The following SETBP1 variants were observed in gnomAD, a reference collection of about 807,000 sequenced individuals.
SETBP1 encodes SET binding protein 1.
A neutral mutation model predicts 101.0 loss-of-function variants in SETBP1; 9 were observed. That is an observed-to-expected ratio of 0.09 (90% CI 0.05 to 0.16). The LOEUF (loss-of-function observed/expected upper bound fraction) is 0.16. Ranked by LOEUF, SETBP1 falls within the 10% of genes least tolerant of loss-of-function variation. The probability of loss-of-function intolerance (pLI) is 1.00; values close to 1 mark genes in which losing one functional copy is unlikely to be tolerated. For missense variants in SETBP1, 1,858 were observed against 2,033.8 expected, an observed-to-expected ratio of 0.91 and a Z score of 1.66; for synonymous variants, 818 against 788.5, an observed-to-expected ratio of 1.04 and a Z score of -0.63.
In SETBP1 at chr18:44,802,527, T is replaced by C. The variant is rs529320955; in HGVS notation, c.487-66703T>C. Among the ~76,000 whole-genome samples, 48 of 152,310 alleles carry C rather than the reference T, an allele frequency of 3.2e-4. No individual in the cohort carries two copies. In the South Asian group the frequency reaches 9.3e-3, roughly 30 times the overall value. ...ATTCATTCTTCAAGAAAGGAGTGTC[T>C]TCCTCTGAAAAATATTCCTAGACTT... On this transcript the variant is annotated intron_variant, in intron 2 of 5. Transcript: ENST00000649279.
intron 4 of SETBP1, among the ~76,000 whole-genome samples, chr18:44,964,995 A>G (rs779706269): frequency 6.6e-6 from 1 of 152,202 alleles, no homozygotes; most frequent in Non-Finnish European, 1.5e-5. Flanking sequence ...AGATTTCTAG[A>G]TTGTGCTATT....
chr18:44,834,446 C>A (rs2072449840), intron 2 of SETBP1, among the ~76,000 whole-genome samples: 1 of 152,092 alleles, frequency 6.6e-6, no homozygotes. Context: ...CAATTCAGAG[C>A]TGTGAGTCGA....
At chr18:44,844,229 C>G (rs1383009939) in intron 2 of SETBP1, among the ~76,000 whole-genome samples, 1 of 152,072 alleles carries the variant, frequency 6.6e-6, no homozygotes, top group Non-Finnish European at 1.5e-5. Flanking sequence ...ATAGTTTGTG[C>G]AAGTGCTGTG....
chr18:44,833,085 A>T (rs1211146728), intron 2 of SETBP1, among the ~76,000 whole-genome samples: 9 of 152,194 alleles, frequency 5.9e-5, no homozygotes, highest in Admixed American at 5.9e-4. Context: ...CGGTAAGTCT[A>T]AGAGCCCACA....
In SETBP1 at chr18:44,807,193, A is replaced by G. The variant is rs565755614; in HGVS notation, c.487-62037A>G. On this transcript the variant is annotated intron_variant, in intron 2 of 5. Transcript: ENST00000649279. ...GACTGAGGCTCAGAACACAGGGAACAGTATACATTAAAACCACATTTTATA... is the reference window on the plus strand; with the variant it reads ...GACTGAGGCTCAGAACACAGGGAACGGTATACATTAAAACCACATTTTATA... Among the ~76,000 whole-genome samples, 81 of 152,310 alleles carry G rather than the reference A, an allele frequency of 5.3e-4. 2 individuals are homozygous for G. The highest frequency in any genetic ancestry group is 4.3e-3 in the East Asian group (22 of 5,170).
chr18:44,862,373 C>G (rs2069032753), intron 2 of SETBP1, among the ~76,000 whole-genome samples: 2 of 152,166 alleles, frequency 1.3e-5, no homozygotes, highest in African/African-American at 4.8e-5. Flanking sequence ...TCAGTGATTT[C>G]AGGTTTAACC....
At chr18:44,731,408 A>C (rs1183405083) in intron 2 of SETBP1, among the ~76,000 whole-genome samples, 1 of 152,114 alleles carries the variant, frequency 6.6e-6, no homozygotes, top group Non-Finnish European at 1.5e-5. Flanking sequence ...GGTTTATGAG[A>C]CTGTCAGAAT....
At chr18:44,835,703 G>A (rs548143120) in intron 2 of SETBP1, among the ~76,000 whole-genome samples, 2 of 152,284 alleles carry the variant, frequency 1.3e-5, no homozygotes, top group Admixed American at 6.5e-5. Context: ...GCCCCTAAAG[G>A]TCAAGTGGTT....
chr18:44,810,444 A>C (rs1197480779), intron 2 of SETBP1, among the ~76,000 whole-genome samples: 2 of 152,238 alleles, frequency 1.3e-5, no homozygotes, highest in African/African-American at 4.8e-5. Flanking sequence ...GTATTGGCTG[A>C]AAGCAAAATG....
At chr18:44,765,007 G>T (rs1255430754) in intron 2 of SETBP1, among the ~76,000 whole-genome samples, 2 of 152,122 alleles carry the variant, frequency 1.3e-5, no homozygotes, top group African/African-American at 4.8e-5. Context: ...TCTAAAAATA[G>T]AACTCAGAAG....
At chr18:44,816,549 A>G (rs971333841) in intron 2 of SETBP1, among the ~76,000 whole-genome samples, 5 of 152,204 alleles carry the variant, frequency 3.3e-5, no homozygotes, top group Non-Finnish European at 7.3e-5. Context: ...ATTTCCCATC[A>G]AAATCCAGTT....
chr18:45,041,510 A>G (rs1184243236), intron 5 of SETBP1, among the ~76,000 whole-genome samples: 1 of 152,186 alleles, frequency 6.6e-6, no homozygotes, highest in Non-Finnish European at 1.5e-5. Flanking sequence ...ATAGGTTACC[A>G]TTCCTACAGA....
intron 4 of SETBP1, among the ~76,000 whole-genome samples, chr18:45,020,473 AT>A (rs2073037255): frequency 6.6e-6 from 1 of 152,034 alleles, no homozygotes; most frequent in Non-Finnish European, 1.5e-5. Context: ...AAAAAATGAG[AT>A]CTTTGTTATC....
rs556424644 is a variant in SETBP1, at chr18:44,684,442, A to C, written c.-173+3421A>C. Among the ~76,000 whole-genome samples the C allele has an allele frequency of 1.1e-3, 162 of 152,214 alleles. 1 individual carries two copies. Among genetic ancestry groups the C allele is most frequent in the African/African-American group, 3.5e-3 (147 of 41,544 alleles). On this transcript the variant is annotated intron_variant, in intron 1 of 5. Transcript: ENST00000649279. ...TTACCGAACTTTCTATTAGATTTTG[A>C]TGCCCCCCTGAGATACATCACACTG...
chr18:44,813,807 G>C (rs147041384), intron 2 of SETBP1, among the ~76,000 whole-genome samples: 1 of 152,112 alleles, frequency 6.6e-6, no homozygotes, highest in Non-Finnish European at 1.5e-5. Context: ...CAGGTTCCTC[G>C]GAATGCTCAC....
intron 4 of SETBP1, among the ~76,000 whole-genome samples, chr18:45,001,872 AACTT>A (rs928834023): frequency 4.6e-5 from 7 of 152,178 alleles, no homozygotes; most frequent in African/African-American, 1.4e-4. Flanking sequence ...ATCCTCAGGA[AACTT>A]ACTTAAGACA....
chr18:44,922,454 G>C (rs1489526425), intron 3 of SETBP1, among the ~76,000 whole-genome samples: 1 of 152,210 alleles, frequency 6.6e-6, no homozygotes, highest in Non-Finnish European at 1.5e-5. Context: ...AGGGAGATGT[G>C]TTCTGCTGCA....
Position 44,951,369 on chromosome 18 carries a change from A to G in SETBP1, c.2029A>G (p.Ile677Val). 1 of 1,614,122 alleles carries G rather than the reference A, an allele frequency of 6.2e-7. No homozygotes were observed. The highest frequency in any genetic ancestry group is 8.5e-7 in the Non-Finnish European group (1 of 1,180,050). ...NKMKTLKRKN[I>V]LNQILSCSSS... ...GATGAAGACACTCAAGAGGAAAAAC[A>G]TCTTGAATCAGATCTTGTCCTGTTC... is the stretch of plus-strand genomic sequence containing the variant. The change falls in exon 4 of 6, where the codon ATC becomes GTC. Residue 677 changes from isoleucine (I) to valine (V), a missense_variant. Transcript: ENST00000649279. The surrounding 1 kb of genome is among the most constrained non-coding windows in gnomAD (Gnocchi z 7.8).
intron 5 of SETBP1, among the ~76,000 whole-genome samples, chr18:45,058,148 A>G (rs1156857430): frequency 6.6e-6 from 1 of 152,364 alleles, no homozygotes; most frequent in African/African-American, 2.4e-5. Context: ...GGGCCACTCA[A>G]TAATTATTCT....
Sources: gnomAD v4.1 joint callset for allele counts (sites outside exome capture counted in the v4.1 genomes callset) on GRCh38, gnomAD v4.1.1 for gene constraint, Gnocchi (gnomAD v3.1) non-coding constraint, MANE v1.5 for transcripts, NCBI Gene and HGNC (gene_info 2026-07-23, HGNC 2026-07-21) for gene names.